The following EPB41 variants were observed in gnomAD, a reference collection of about 807,000 sequenced individuals.
EPB41 encodes protein 4.1.
A neutral mutation model predicts 108.0 loss-of-function variants in EPB41; 65 were observed. That is an observed-to-expected ratio of 0.60 (90% CI 0.49 to 0.74). The LOEUF (loss-of-function observed/expected upper bound fraction) is 0.74, where lower values mean the gene tolerates loss of function less well. Among genes scored for constraint, EPB41 ranks in the 30% least tolerant of loss-of-function variants. EPB41 has a pLI of 0.00. For missense variants in EPB41, 875 were observed against 1,037.0 expected (o/e 0.84, Z 2.15); for synonymous variants, 336 against 358.9 (o/e 0.94, Z 0.72).
At chr1:28,890,210 T>G (rs1312640518) in intron 1 of EPB41, among the ~76,000 whole-genome samples, 2 of 151,746 alleles carry the variant, frequency 1.3e-5, no homozygotes, top group Admixed American at 6.6e-5. Context: ...GCTAATTTTT[T>G]TATTTTTAGT....
chr1:29,069,428 C>G, intron 16 of EPB41: 1 of 1,225,618 alleles, frequency 8.2e-7, no homozygotes, highest in Non-Finnish European at 1.0e-6. Context: ...AATGTATAAA[C>G]CTTCATGATG....
chr1:28,963,344 C>CGTGTGT (rs57558766), intron 1 of EPB41, among the ~76,000 whole-genome samples: 4,986 of 146,288 alleles, frequency 0.034, 163 homozygotes, highest in East Asian at 0.13. Context: ...AAATCAGAAT[C>CGTGTGT]GTGTGTGTGT....
intron 11 of EPB41, among the ~76,000 whole-genome samples, chr1:29,044,344 T>C (rs777658850): frequency 1.3e-5 from 2 of 152,264 alleles, no homozygotes; most frequent in Non-Finnish European, 2.9e-5. Flanking sequence ...ATAGATACTA[T>C]GCCTGATGTA....
intron 2 of EPB41, chr1:28,989,341 G>A (rs1387568973): frequency 5.3e-6 from 5 of 945,946 alleles, no homozygotes; most frequent in Non-Finnish European, 6.3e-6. Context: ...TTCTGAGAAT[G>A]TCATTTATTT....
At chr1:29,072,191 T>C (rs191818200) in intron 16 of EPB41, 1 of 152,226 alleles carries the variant, frequency 6.6e-6, no homozygotes, top group East Asian at 1.9e-4. Flanking sequence ...ATTTATAATA[T>C]ATATTTTGTA....
chr1:28,942,344 T>C lies in EPB41; in HGVS notation c.-8+27576T>C, dbSNP rs537936377. ...TCAGATGCTATTCACAAGACCCAGG[T>C]TGTGACCTGTGCTTCTGACCAACTG... On this transcript the variant is annotated intron_variant, in intron 1 of 20. Transcript: ENST00000343067. 2.0e-5 allele frequency among the ~76,000 whole-genome samples: 3 copies of C among 152,312 alleles called. No individual in the cohort carries two copies. The East Asian group carries it at 5.8e-4, about 29-fold the overall frequency.
At chr1:29,013,834 G>GTTTTT (rs537368192) in intron 5 of EPB41, among the ~76,000 whole-genome samples, 16 of 131,824 alleles carry the variant, frequency 1.2e-4, no homozygotes, top group Admixed American at 3.0e-4. Context: ...CAGCCCTTAA[G>GTTTTT]TTTTTTTTTT....
rs201231112 is a variant in EPB41, at chr1:28,993,381, G to A, written c.520G>A (p.Glu174Lys). The stretch of plus-strand genomic sequence containing the variant: ...TCCAGATTTTGAAATTAAGGAAGGA[G>A]AAGGACTTGAAGAGTGCTCCAAAAT... Reference protein sequence around the residue: ...EDPDFEIKEGEGLEECSKIEV... With the variant: ...EDPDFEIKEGKGLEECSKIEV... Residue 174 changes from glutamate (E) to lysine (K), a missense_variant, in exon 3 of 21, where the codon GAA (glutamate) becomes AAA (lysine). Coordinates refer to ENST00000343067, the MANE Select transcript of EPB41 (RefSeq NM_001376013.1). 8.1e-5 allele frequency: 130 copies of A among 1,613,652 alleles called. No homozygotes were observed. The East Asian group carries it at 2.7e-3, about 34-fold the overall frequency.
rs373677588 is a variant in EPB41, at chr1:28,976,148, A to T, written c.-7-11283A>T. ...TTACAGAGACAGATACTAGCCTGAT[A>T]ATTTACAACAGAATTATCACCATGT... On this transcript the variant is annotated intron_variant, in intron 1 of 20. Coordinates refer to ENST00000343067, the MANE Select transcript of EPB41 (RefSeq NM_001376013.1). Among the ~76,000 whole-genome samples, 322 of 152,180 alleles carry T rather than the reference A, an allele frequency of 2.1e-3. 15 individuals carry two copies. The South Asian group carries it at 0.065, about 31-fold the overall frequency.
intron 1 of EPB41, among the ~76,000 whole-genome samples, chr1:28,918,440 A>T (rs943521431): frequency 6.6e-6 from 1 of 152,090 alleles, no homozygotes; most frequent in South Asian, 2.1e-4. Context: ...CTATATTTGA[A>T]TTTTTTCTTT....
chr1:28,929,843 CTT>C lies in EPB41; in HGVS notation c.-8+15098_-8+15099del, dbSNP rs56337991. On this transcript the variant is annotated intron_variant, in intron 1 of 20. Transcript: ENST00000343067. ...GCCACCGCGCCTGGCACTGGGCCTT[CTT>C]TTTTTTTTTTTTTTTTTTTTTTAAA... Among the ~76,000 whole-genome samples the C allele has an allele frequency of 3.6e-3, 371 of 101,856 alleles. 3 individuals are homozygous for C. The highest frequency in any genetic ancestry group is 0.015 in the East Asian group (46 of 3,134). 66.8% of individuals were successfully genotyped at this position (101,856 alleles called of 152,430 possible).
At chr1:29,081,701 G>A (rs1184761776) in intron 16 of EPB41, among the ~76,000 whole-genome samples, 1 of 152,042 alleles carries the variant, frequency 6.6e-6, no homozygotes, top group African/African-American at 2.4e-5. Context: ...CAGGTGTGGT[G>A]GCACATGCCG....
intron 1 of EPB41, among the ~76,000 whole-genome samples, chr1:28,986,835 A>G (rs2095878231): frequency 1.3e-5 from 2 of 152,238 alleles, no homozygotes; most frequent in South Asian, 4.1e-4. Flanking sequence ...TGAAAACCTA[A>G]GGAAATTTTT....
intron 17 of EPB41, among the ~76,000 whole-genome samples, chr1:29,099,268 TAAA>T (rs1219575690): frequency 1.7e-4 from 21 of 122,210 alleles, no homozygotes; most frequent in Non-Finnish European, 1.6e-4. Context: ...TCCACTGCAT[TAAA>T]AAAAAAAAAA....
chr1:29,108,588 A>AC (rs1464637257), intron 17 of EPB41, among the ~76,000 whole-genome samples: 1 of 149,354 alleles, frequency 6.7e-6, no homozygotes, highest in African/African-American at 2.5e-5. Context: ...ACAGAGTCTC[A>AC]CTCTGTTGCC....
In EPB41 at chr1:29,119,047, A is replaced by G. The variant is rs1028780472; in HGVS notation, c.*2235A>G. 19 of 152,366 alleles carry G rather than the reference A, an allele frequency of 1.2e-4. No individual in the cohort carries two copies. The highest frequency in any genetic ancestry group is 4.1e-4 in the African/African-American group (17 of 41,582). 9.4% of individuals were successfully genotyped at this position (152,366 alleles called of 1,614,324 possible). A position where few individuals can be genotyped will look rare whatever the true frequency, so the allele number is the denominator to read the frequency against. On this transcript the variant is annotated 3_prime_UTR_variant, in exon 21 of 21. Coordinates refer to ENST00000343067, the MANE Select transcript of EPB41 (RefSeq NM_001376013.1). ...TCTAGAACAGTGTGGCAGCTTTCACAGCACAGGACCGTTCATCGGGGGCCT... is the reference window on the plus strand; with the variant it reads ...TCTAGAACAGTGTGGCAGCTTTCACGGCACAGGACCGTTCATCGGGGGCCT...
At chr1:28,920,006 T>A (rs555609362) in intron 1 of EPB41, among the ~76,000 whole-genome samples, 2 of 152,220 alleles carry the variant, frequency 1.3e-5, no homozygotes, top group Middle Eastern at 3.4e-3. Flanking sequence ...CCCTCAACTC[T>A]CAGGGTGATC....
At chr1:28,988,883 GA>G (rs371318024) in intron 2 of EPB41, among the ~76,000 whole-genome samples, 12 of 150,192 alleles carry the variant, frequency 8.0e-5, no homozygotes, top group South Asian at 2.1e-4. Flanking sequence ...GAATAGTAGA[GA>G]AAAAAAAAGT....
intron 14 of EPB41, among the ~76,000 whole-genome samples, chr1:29,059,741 A>G (rs1646179958): frequency 6.6e-6 from 1 of 152,142 alleles, no homozygotes; most frequent in South Asian, 2.1e-4. Flanking sequence ...CTGCACCACT[A>G]CATTCCAGCC....
Sources: allele counts gnomAD v4.1 joint callset (sites outside exome capture counted in the v4.1 genomes callset), GRCh38; gene constraint gnomAD v4.1.1; transcripts MANE v1.5; gene names NCBI Gene and HGNC (gene_info 2026-07-23, HGNC 2026-07-21).